Variants in MEP1B observed in about 807,000 individuals in gnomAD.
MEP1B encodes the protein N-benzoyl-L-tyrosyl-P-amino-benzoic acid hydrolase subunit beta.
Under a neutral mutation model 84.6 loss-of-function variants are expected in MEP1B, and 80 were observed. The ratio of observed to expected loss-of-function variants is 0.95; its 90% CI spans 0.79 to 1.14. The LOEUF is 1.14. MEP1B is among the 50% of genes most tolerant of loss of function. MEP1B has a pLI of 0.00. For synonymous variants in MEP1B, 273 were observed against 288.1 expected (o/e 0.95, Z 0.53); for missense variants, 766 against 855.1 (o/e 0.90, Z 1.30).
At position 32,196,884 on chromosome 18, in the gene MEP1B, A is replaced by ATAC; in HGVS notation, c.250+1399_250+1400insTAC. ...CATGATGTAGTGGAGGCGGGCAAGGAGGCGCAGGCAGGCTCAGATCTCCAC... is the reference window on the plus strand; with the variant it reads ...CATGATGTAGTGGAGGCGGGCAAGGATACGGCGCAGGCAGGCTCAGATCTCCAC... On this transcript the variant is annotated intron_variant, in intron 5 of 14. Transcript: ENST00000269202. The surrounding 1 kb of genome is among the most constrained non-coding windows in gnomAD (Gnocchi z 4.4). 1 of 464,326 alleles carries ATAC rather than the reference A, an allele frequency of 2.2e-6. No individual in the cohort carries two copies. The highest frequency in any genetic ancestry group is 4.1e-6 in the Non-Finnish European group (1 of 246,598). The allele number at this position is 464,326 out of a possible 1,614,324, so 28.8% of individuals were successfully genotyped here. A position where few individuals can be genotyped will look rare whatever the true frequency, so the allele number is the denominator to read the frequency against.
intron 6 of MEP1B, among the ~76,000 whole-genome samples, chr18:32,203,708 T>C (rs2040935302): frequency 1.3e-5 from 2 of 152,198 alleles, no homozygotes; most frequent in African/African-American, 2.4e-5. Context: ...CTTTCAGTTC[T>C]GCAGGCTTTA....
intron 4 of MEP1B, 144 bp from the exon 5 acceptor site, chr18:32,195,263 T>TACAC (rs3217505): frequency 4.6e-4 from 231 of 496,818 alleles, no homozygotes; most frequent in African/African-American, 2.8e-3. Flanking sequence ...AAAGTAGGGC[T>TACAC]ACACACACAC....
At position 32,197,884 on chromosome 18, in the gene MEP1B, T is replaced by C. The variant is rs550238171; in HGVS notation, c.250+2399T>C. ...ATAGGTGGCTTCTTCAACCCTTTTC[T>C]CCCTCCCTTTCCCCTCTTGTAGTCC... On this transcript the variant is annotated intron_variant, in intron 5 of 14. Coordinates refer to ENST00000269202, the MANE Select transcript of MEP1B (RefSeq NM_005925.3). 9.8e-5 allele frequency among the ~76,000 whole-genome samples: 15 copies of C among 152,300 alleles called. No individual in the cohort carries two copies. The South Asian group carries it at 1.7e-3, about 17-fold the overall frequency.
chr18:32,196,182 G>A lies in MEP1B; in HGVS notation c.250+697G>A, dbSNP rs2040851978. On this transcript the variant is annotated intron_variant, in intron 5 of 14. Coordinates refer to ENST00000269202, the MANE Select transcript of MEP1B (RefSeq NM_005925.3). The surrounding 1 kb of genome is among the most constrained non-coding windows in gnomAD (Gnocchi z 4.4). ...GGAGCTGGTGTCACTGCGCCACCTC[G>A]GCTTTCAGACTCTCCAAGTCTTTTT... 10 of 642,830 alleles carry A rather than the reference G, an allele frequency of 1.6e-5. No individual in the cohort carries two copies. Among genetic ancestry groups the A allele is most frequent in the South Asian group, 3.2e-5 (2 of 61,728 alleles). The allele number at this position is 642,830 out of a possible 1,614,324, so 39.8% of individuals were successfully genotyped here.
chr18:32,196,647 A>G lies in MEP1B; in HGVS notation c.250+1162A>G. 1 of 686,978 alleles carries G rather than the reference A, an allele frequency of 1.5e-6. No homozygotes were observed. Among genetic ancestry groups the G allele is most frequent in the Non-Finnish European group, 2.7e-6 (1 of 374,536 alleles). The allele number at this position is 686,978 out of a possible 1,614,324, so 42.6% of individuals were successfully genotyped here. ...CAGCACCCGCCTGATGTTGTCCAGC[A>G]CGCCACCTCGGGGTGTCTTCCCCAA... On this transcript the variant is annotated intron_variant, in intron 5 of 14. Coordinates refer to ENST00000269202, the MANE Select transcript of MEP1B (RefSeq NM_005925.3). The surrounding 1 kb of genome is among the most constrained non-coding windows in gnomAD (Gnocchi z 4.4).
At chr18:32,192,304 T>G (rs1056091176) in intron 2 of MEP1B, among the ~76,000 whole-genome samples, 2 of 152,134 alleles carry the variant, frequency 1.3e-5, no homozygotes, top group Admixed American at 6.5e-5. Flanking sequence ...TTGGGCTAGT[T>G]TGACCAAATT....
chr18:32,209,690 C>T (rs1310994037), intron 9 of MEP1B, among the ~76,000 whole-genome samples: 1 of 69,564 alleles, frequency 1.4e-5, no homozygotes, highest in African/African-American at 6.4e-5. Context: ...ATGTGAATCT[C>T]CCCAGATGGT....
chr18:32,195,263 T>TACACACAC (rs3217505), intron 4 of MEP1B, 144 bp from the exon 5 acceptor site: 6 of 496,854 alleles, frequency 1.2e-5, no homozygotes, highest in African/African-American at 1.2e-4. Context: ...AAAGTAGGGC[T>TACACACAC]ACACACACAC....
chr18:32,195,373 G>T, intron 4 of MEP1B, 34 bp from the exon 5 acceptor site: 1 of 1,388,720 alleles, frequency 7.2e-7, no homozygotes, highest in South Asian at 1.2e-5. Flanking sequence ...TGCCTTATTT[G>T]TTTAACTAGC....
Position 32,195,442 on chromosome 18 carries a change from T to C in MEP1B, c.207T>C (p.Tyr69=), listed in dbSNP as rs887551389. The change falls in exon 5 of 15, where the codon TAT becomes TAC. Residue 69 remains tyrosine (Y), a synonymous_variant. Transcript: ENST00000269202. Reference sequence around the variant, plus strand: ...GAAATTCCATCATTGGAGAAAAGTATAGATGGCCTCATACCATTCCATATG... The same window carrying C: ...GAAATTCCATCATTGGAGAAAAGTACAGATGGCCTCATACCATTCCATATG... The part of the protein sequence containing the change: ...QIRNSIIGEK[Y]RWPHTIPYVL... The C allele has an allele frequency of 4.3e-6, 7 of 1,612,584 alleles. No homozygotes were observed. The highest frequency in any genetic ancestry group is 1.3e-5 in the African/African-American group (1 of 75,028).
intron 12 of MEP1B, among the ~76,000 whole-genome samples, chr18:32,216,745 C>T (rs1395963571): frequency 1.3e-5 from 2 of 152,070 alleles, no homozygotes; most frequent in South Asian, 2.1e-4. Flanking sequence ...TATTCTGAAA[C>T]TTAAGATTGG....
chr18:32,197,031 C>A, intron 5 of MEP1B: 1 of 170,166 alleles, frequency 5.9e-6, no homozygotes, highest in Non-Finnish European at 1.2e-5. Context: ...TGAGAAAATA[C>A]ATAAAATAAC....
At chr18:32,201,042 A>G (rs773722376) in intron 5 of MEP1B, among the ~76,000 whole-genome samples, 3 of 152,168 alleles carry the variant, frequency 2.0e-5, no homozygotes, top group Non-Finnish European at 4.4e-5. Context: ...ATGGAAAACA[A>G]AGATCTTATC....
Position 32,197,819 on chromosome 18 carries a change from A to C in MEP1B, c.250+2334A>C, listed in dbSNP as rs916072032. On this transcript the variant is annotated intron_variant, in intron 5 of 14. Coordinates refer to ENST00000269202, the MANE Select transcript of MEP1B (RefSeq NM_005925.3). ...GTTGCATGATGCTGAAGTTAGGGGT[A>C]CAAATGAACCCATCACCCAGGAGTT... 2.0e-5 allele frequency among the ~76,000 whole-genome samples: 3 copies of C among 152,194 alleles called. No individual in the cohort carries two copies. The East Asian group carries it at 5.8e-4, about 29-fold the overall frequency.
At chr18:32,217,641 T>C in intron 13 of MEP1B, 120 bp from the exon 14 acceptor site, 1 of 817,112 alleles carries the variant, frequency 1.2e-6, no homozygotes. Context: ...GTAAAATAGT[T>C]TCATATAGCA....
At chr18:32,204,410 A>G in intron 7 of MEP1B, 50 bp downstream of exon 7, 1 of 1,451,712 alleles carries the variant, frequency 6.9e-7, no homozygotes, top group East Asian at 2.5e-5. Flanking sequence ...TGAATTTCTA[A>G]GCATGTGTCC....
chr18:32,193,375 C>A (rs1026911709), intron 4 of MEP1B, among the ~76,000 whole-genome samples: 1 of 152,124 alleles, frequency 6.6e-6, no homozygotes, highest in African/African-American at 2.4e-5. Context: ...AGTTCACTAT[C>A]ATGAAAGCAC....
At chr18:32,197,319 C>A (rs769767108) in intron 5 of MEP1B, among the ~76,000 whole-genome samples, 1 of 152,106 alleles carries the variant, frequency 6.6e-6, no homozygotes, top group Non-Finnish European at 1.5e-5. Flanking sequence ...CACTGACCAG[C>A]ATTAGCTTAG....
intron 5 of MEP1B, among the ~76,000 whole-genome samples, chr18:32,199,041 G>A (rs189421432): frequency 8.3e-4 from 126 of 152,264 alleles, no homozygotes; most frequent in African/African-American, 3.0e-3. Flanking sequence ...GCATGGTAAC[G>A]TCTTCAACAA....
Sources: gnomAD v4.1 joint callset for allele counts (sites outside exome capture counted in the v4.1 genomes callset) on GRCh38, gnomAD v4.1.1 for gene constraint, Gnocchi (gnomAD v3.1) non-coding constraint, MANE v1.5 for transcripts, NCBI Gene and HGNC (gene_info 2026-07-23, HGNC 2026-07-21) for gene names.